Variants in TACR3 observed in about 807,000 individuals in gnomAD.
TACR3 encodes the protein neuromedin-K receptor.
TACR3 carries 34 observed loss-of-function variants against 35.0 expected under a neutral mutation model. That is an observed-to-expected ratio of 0.97 (90% CI 0.74 to 1.30). The LOEUF (loss-of-function observed/expected upper bound fraction) is 1.30, where lower values mean the gene tolerates loss of function less well. Among genes scored for constraint, TACR3 ranks in the 50% most tolerant of loss-of-function variants. TACR3 has a pLI of 0.00. For synonymous variants in TACR3, 233 were observed against 221.1 expected (o/e 1.05, Z -0.48); for missense variants, 558 against 591.7 (o/e 0.94, Z 0.59).
At chr4:103,606,318 G>A (rs1724361931) in intron 3 of TACR3, among the ~76,000 whole-genome samples, 1 of 151,942 alleles carries the variant, frequency 6.6e-6, no homozygotes, top group Admixed American at 6.6e-5. Context: ...GCTCTTTTTT[G>A]GTTCCATATG....
At chr4:103,712,244 T>C (rs189732474) in intron 1 of TACR3, among the ~76,000 whole-genome samples, 6,887 of 152,192 alleles carry the variant, frequency 0.045, 509 homozygotes, top group African/African-American at 0.16. Flanking sequence ...GACTTCAAAC[T>C]ATACTACAAG....
At chr4:103,716,767 C>A (rs190542227) in intron 1 of TACR3, among the ~76,000 whole-genome samples, 2 of 152,242 alleles carry the variant, frequency 1.3e-5, no homozygotes, top group Admixed American at 1.3e-4. Context: ...AATATATTTT[C>A]CATTTAGGCT....
intron 1 of TACR3, among the ~76,000 whole-genome samples, chr4:103,662,217 G>GGTTTTTTTTTTTTTT (rs1553972885): frequency 1.2e-5 from 1 of 86,272 alleles, no homozygotes. Context: ...TGTTGATGGT[G>GGTTTTTTTTTTTTTT]TTTTTTTTTT....
intron 2 of TACR3, among the ~76,000 whole-genome samples, chr4:103,656,839 C>G (rs1187301197): frequency 6.6e-6 from 1 of 152,026 alleles, no homozygotes; most frequent in African/African-American, 2.4e-5. Flanking sequence ...AGTAGATACT[C>G]TGAGCCATAA....
At chr4:103,635,806 T>C (rs1209927032) in intron 3 of TACR3, among the ~76,000 whole-genome samples, 1 of 152,020 alleles carries the variant, frequency 6.6e-6, no homozygotes, top group Non-Finnish European at 1.5e-5. Flanking sequence ...AATAAGTTAA[T>C]GAGCCTAGAA....
chr4:103,682,313 T>A (rs1722117620), intron 1 of TACR3, among the ~76,000 whole-genome samples: 1 of 151,740 alleles, frequency 6.6e-6, no homozygotes, highest in South Asian at 2.1e-4. Context: ...TACCCAAGAG[T>A]GGATAATTTA....
chr4:103,677,787 C>G (rs1472249485), intron 1 of TACR3, among the ~76,000 whole-genome samples: 1 of 151,956 alleles, frequency 6.6e-6, no homozygotes, highest in Non-Finnish European at 1.5e-5. Flanking sequence ...ATGAAACGAT[C>G]TGTTTGGCAA....
At chr4:103,683,729 A>G (rs550360273) in intron 1 of TACR3, among the ~76,000 whole-genome samples, 1 of 152,096 alleles carries the variant, frequency 6.6e-6, no homozygotes, top group Non-Finnish European at 1.5e-5. Flanking sequence ...TATGTCAGAT[A>G]TTTAAAGAAA....
At chr4:103,627,663 A>C (rs909150237) in intron 3 of TACR3, among the ~76,000 whole-genome samples, 2 of 152,192 alleles carry the variant, frequency 1.3e-5, no homozygotes, top group Non-Finnish European at 2.9e-5. Flanking sequence ...AGAGACCTAC[A>C]AAGAGACTTA....
At chr4:103,604,831 T>A (rs1724310012) in intron 3 of TACR3, among the ~76,000 whole-genome samples, 1 of 147,938 alleles carries the variant, frequency 6.8e-6, no homozygotes, top group Admixed American at 6.6e-5. Context: ...TTCTTTTTTT[T>A]TTCTTTTTAT....
chr4:103,623,381 CTATT>C (rs751063982), intron 3 of TACR3, among the ~76,000 whole-genome samples: 1 of 151,766 alleles, frequency 6.6e-6, no homozygotes, highest in East Asian at 1.9e-4. Flanking sequence ...GGATTTTTCT[CTATT>C]TTTTTTTAAT....
chr4:103,709,594 T>A (rs1560540732), intron 1 of TACR3, among the ~76,000 whole-genome samples: 1 of 152,110 alleles, frequency 6.6e-6, no homozygotes, highest in Non-Finnish European at 1.5e-5. Flanking sequence ...AGAAACTGCA[T>A]CAACTAACGA....
At chr4:103,616,677 T>G (rs1197801044) in intron 3 of TACR3, among the ~76,000 whole-genome samples, 1 of 152,214 alleles carries the variant, frequency 6.6e-6, no homozygotes, top group African/African-American at 2.4e-5. Flanking sequence ...CCAGGCGCAG[T>G]GGCTCACGCC....
At chr4:103,678,098 ATCT>A (rs1726212067) in intron 1 of TACR3, among the ~76,000 whole-genome samples, 1 of 152,100 alleles carries the variant, frequency 6.6e-6, no homozygotes, top group Admixed American at 6.6e-5. Context: ...GAGTAATGAG[ATCT>A]TCTGTGCAAC....
At chr4:103,636,914 A>T (rs1413456423) in intron 3 of TACR3, among the ~76,000 whole-genome samples, 1 of 152,158 alleles carries the variant, frequency 6.6e-6, no homozygotes, top group Non-Finnish European at 1.5e-5. Context: ...TGAATAGACC[A>T]ATAACAGGCT....
intron 1 of TACR3, among the ~76,000 whole-genome samples, chr4:103,697,402 G>GTTTATTTATTTA (rs111290581): frequency 1.7e-4 from 24 of 144,874 alleles, no homozygotes; most frequent in Admixed American, 3.5e-4. Context: ...TTATTTATTT[G>GTTTATTTATTTA]TTTATTTATT....
chr4:103,635,049 T>C (rs1237696363), intron 3 of TACR3, among the ~76,000 whole-genome samples: 5 of 152,038 alleles, frequency 3.3e-5, no homozygotes, highest in Admixed American at 2.0e-4. Flanking sequence ...CTTGCTTGCC[T>C]CACCATTTGA....
Position 103,590,010 on chromosome 4 carries a change from C to CT in TACR3, c.1086-17_1086-16insA. ...AGCTCGAAATCTGAGGAAAAGCAGG[C>CT]CACAGAAAGAAAAAGTTATTTTTTC... On this transcript the variant is annotated splice_polypyrimidine_tract_variant and intron_variant, in intron 4 of 4. Transcript: ENST00000304883. The CT allele has an allele frequency of 6.2e-7, 1 of 1,611,358 alleles. No homozygotes were observed. The highest frequency in any genetic ancestry group is 8.5e-7 in the Non-Finnish European group (1 of 1,178,556).
Position 103,704,358 on chromosome 4 carries a change from G to A in TACR3, c.548+14770C>T, listed in dbSNP as rs558428115. ...AAATGGTCATACTCTTTATGGAAGT[G>A]TTGACATTGCTGTAGAAGTACTGTG... On this transcript the variant is annotated intron_variant, in intron 1 of 4. Coordinates refer to ENST00000304883, the MANE Select transcript of TACR3 (RefSeq NM_001059.3). 2.6e-4 allele frequency among the ~76,000 whole-genome samples: 40 copies of A among 152,200 alleles called. No individual in the cohort carries two copies. In the South Asian group the frequency reaches 8.3e-3, roughly 32 times the overall value.
Sources: gnomAD v4.1 joint callset for allele counts (sites outside exome capture counted in the v4.1 genomes callset) on GRCh38, gnomAD v4.1.1 for gene constraint, MANE v1.5 for transcripts, NCBI Gene and HGNC (gene_info 2026-07-23, HGNC 2026-07-21) for gene names.